The following CIT variants were observed in gnomAD, a reference collection of about 807,000 sequenced individuals.
CIT encodes the protein citron Rho-interacting kinase.
A neutral mutation model predicts 272.7 loss-of-function variants in CIT; 79 were observed. That is an observed-to-expected ratio of 0.29 (90% CI 0.24 to 0.35). The LOEUF (loss-of-function observed/expected upper bound fraction) is 0.35, where lower values mean the gene tolerates loss of function less well. CIT is among the 10% of genes least tolerant of loss of function. CIT has a pLI of 1.00. For synonymous variants in CIT, 948 were observed against 995.6 expected (o/e 0.95, Z 0.90); for missense variants, 1,909 against 2,618.3 (o/e 0.73, Z 5.91).
chr12:119,705,516 G>T (rs1956823507), intron 40 of CIT, among the ~76,000 whole-genome samples: 1 of 152,086 alleles, frequency 6.6e-6, no homozygotes, highest in South Asian at 2.1e-4. Context: ...GTGTGTGGAT[G>T]CTTACGACAT....
chr12:119,710,719 G>C lies in CIT; in HGVS notation c.4855-99C>G. 1 of 1,142,142 alleles carries C rather than the reference G, an allele frequency of 8.8e-7. No individual in the cohort carries two copies. Among genetic ancestry groups the C allele is most frequent in the Non-Finnish European group, 1.3e-6 (1 of 762,224 alleles). The allele number at this position is 1,142,142 out of a possible 1,614,324, so 70.8% of individuals were successfully genotyped here. On this transcript the variant is annotated intron_variant, in intron 37 of 47. Transcript: ENST00000392521. The surrounding 1 kb of genome is among the most constrained non-coding windows in gnomAD (Gnocchi z 5.6). ...GAAACCAAGAGAAGGTTAAGGCCAA[G>C]TTATTCCTGGAAATGCTCAGAAACG... is the stretch of plus-strand genomic sequence containing the variant.
rs1376592078 is a variant in CIT at position 119,803,367 on chromosome 12, G to A, written c.1134C>T (p.Thr378=). 7 of 1,581,464 alleles carry A rather than the reference G, an allele frequency of 4.4e-6. No homozygotes were observed. The East Asian group carries it at 1.6e-4, about 37-fold the overall frequency. ...TGGAGGTGTCATCGTCAGACTTGAGGGTGGGAACGAAGGGGGGAGGAGCTG... is the reference window on the plus strand; with the variant it reads ...TGGAGGTGTCATCGTCAGACTTGAGAGTGGGAACGAAGGGGGGAGGAGCTG... ...IRNSPPPFVP[T]LKSDDDTSNF... Residue 378 remains threonine (T), a synonymous_variant, in exon 10 of 48, where the codon ACC becomes ACT. Coordinates refer to ENST00000392521, the MANE Select transcript of CIT (RefSeq NM_001206999.2).
At chr12:119,874,338 C>G (rs2138433912) in intron 2 of CIT, among the ~76,000 whole-genome samples, 1 of 152,310 alleles carries the variant, frequency 6.6e-6, no homozygotes, top group Middle Eastern at 3.4e-3. Context: ...TCCGAAAATA[C>G]TGGCATTACA....
In CIT at chr12:119,804,266, C is replaced by G; in HGVS notation, c.1112-877G>C. The G allele has an allele frequency of 1.0e-6, 1 of 985,512 alleles. No homozygotes were observed. Among genetic ancestry groups the G allele is most frequent in the Non-Finnish European group, 1.2e-6 (1 of 829,960 alleles). 61.0% of individuals were successfully genotyped at this position (985,512 alleles called of 1,614,324 possible). A position where few individuals can be genotyped will look rare whatever the true frequency, so the allele number is the denominator to read the frequency against. ...GGGAGGTGGACACTCGTCCATCAGT[C>G]ACCAGGAGGCTGCCCATCGCGGTGG... On this transcript the variant is annotated intron_variant, in intron 9 of 47. Coordinates refer to ENST00000392521, the MANE Select transcript of CIT (RefSeq NM_001206999.2). This position sits in a 1 kb window ranked among gnomAD's most constrained non-coding sequence, Gnocchi z 5.3.
Position 119,850,330 on chromosome 12 carries a change from A to C in CIT, c.415-55T>G. The C allele has an allele frequency of 3.4e-6, 4 of 1,169,422 alleles. No homozygotes were observed. In the Admixed American group the frequency reaches 5.6e-5, roughly 16 times the overall value. The allele number at this position is 1,169,422 out of a possible 1,614,324, so 72.4% of individuals were successfully genotyped here. Reference sequence around the variant, plus strand: ...TATAAAGAACTGTGAGAGGAAAAAGAAGCCTTTTCCTCTGTCTTTATGCCT... The same window carrying C: ...TATAAAGAACTGTGAGAGGAAAAAGCAGCCTTTTCCTCTGTCTTTATGCCT... On this transcript the variant is annotated intron_variant, in intron 4 of 47. Transcript: ENST00000392521.
chr12:119,756,052 T>C (rs1960935253), intron 22 of CIT, among the ~76,000 whole-genome samples: 1 of 152,134 alleles, frequency 6.6e-6, no homozygotes, highest in Non-Finnish European at 1.5e-5. Flanking sequence ...CAGGACCCTA[T>C]AAAGGAGATA....
intron 12 of CIT, 120 bp downstream of exon 12, chr12:119,783,788 C>A (rs1964518284): frequency 7.9e-7 from 1 of 1,265,850 alleles, no homozygotes; most frequent in Non-Finnish European, 1.1e-6. Flanking sequence ...TTGTGCTCTC[C>A]CTCTCTCTAC....
Position 119,712,207 on chromosome 12 carries a change from C to T in CIT, c.4825G>A (p.Val1609Ile). 1.9e-6 allele frequency: 3 copies of T among 1,605,522 alleles called. No homozygotes were observed. The highest frequency in any genetic ancestry group is 2.6e-6 in the Non-Finnish European group (3 of 1,175,978). Residue 1609 changes from valine (V) to isoleucine (I), a missense_variant, in exon 37 of 48, where the codon GTT becomes ATT. Val to Ile is a conservative substitution (Grantham distance 29, BLOSUM62 3). Coordinates refer to ENST00000392521, the MANE Select transcript of CIT (RefSeq NM_001206999.2). This position sits in a 1 kb window ranked among gnomAD's most constrained non-coding sequence, Gnocchi z 5.2. ...TCAGCTTCTGCTTTTTCCCTAGAAA[C>T]TCTCCCACCTGCGACAACTGATTCT... ...ALESVVAGGR[V>I]SREKAEADAK...
chr12:119,712,773 G>A lies in CIT; in HGVS notation c.4580-78C>T. The A allele has an allele frequency of 8.5e-7, 1 of 1,175,178 alleles. No individual in the cohort carries two copies. The highest frequency in any genetic ancestry group is 1.8e-5 in the Admixed American group (1 of 54,842). The allele number at this position is 1,175,178 out of a possible 1,614,324, so 72.8% of individuals were successfully genotyped here. A position where few individuals can be genotyped will look rare whatever the true frequency, so the allele number is the denominator to read the frequency against. On this transcript the variant is annotated intron_variant, in intron 35 of 47. Coordinates refer to ENST00000392521, the MANE Select transcript of CIT (RefSeq NM_001206999.2). The surrounding 1 kb of genome is among the most constrained non-coding windows in gnomAD (Gnocchi z 5.2). ...CAAGGGGAGAAGAGAGAGCGAGAGA[G>A]ACAGCAAGGGAGAGAGAGACAGGGT...
chr12:119,735,718 T>C (rs149260139), intron 24 of CIT, among the ~76,000 whole-genome samples: 262 of 152,334 alleles, frequency 1.7e-3, no homozygotes, highest in African/African-American at 5.9e-3. Context: ...GGTATCACCA[T>C]CCACTAATTA....
At chr12:119,842,467 TCATGGAAGGA>T (rs1211210849) in intron 5 of CIT, among the ~76,000 whole-genome samples, 1 of 151,798 alleles carries the variant, frequency 6.6e-6, no homozygotes, top group Admixed American at 6.6e-5. Context: ...ATCAGCTCCT[TCATGGAAGGA>T]CACTGATGAA....
chr12:119,725,291 TG>T (rs1436996692), intron 28 of CIT, among the ~76,000 whole-genome samples: 1 of 152,020 alleles, frequency 6.6e-6, no homozygotes, highest in Non-Finnish European at 1.5e-5. Flanking sequence ...CCGGGAGTGC[TG>T]GTGTATACCT....
At chr12:119,761,948 A>T (rs1338947946) in intron 19 of CIT, among the ~76,000 whole-genome samples, 1 of 152,208 alleles carries the variant, frequency 6.6e-6, no homozygotes, top group Non-Finnish European at 1.5e-5. Context: ...ACATCAGAAC[A>T]TGCCCAAGCC....
chr12:119,850,527 G>A (rs552096861), intron 4 of CIT, among the ~76,000 whole-genome samples: 10 of 151,446 alleles, frequency 6.6e-5, no homozygotes, highest in African/African-American at 1.9e-4. Flanking sequence ...GGGAAGGGAA[G>A]GGAAAGGGAA....
At chr12:119,717,371 T>TGA (rs1289251510) in intron 32 of CIT, among the ~76,000 whole-genome samples, 1 of 149,368 alleles carries the variant, frequency 6.7e-6, no homozygotes, top group African/African-American at 2.5e-5. Flanking sequence ...AAAAAAGGCC[T>TGA]GAGAGAGAGA....
At chr12:119,875,252 G>A (rs1010367663) in intron 2 of CIT, among the ~76,000 whole-genome samples, 6 of 152,124 alleles carry the variant, frequency 3.9e-5, no homozygotes, top group African/African-American at 9.7e-5. Context: ...GCAGTAAGCC[G>A]TGATTGTGCC....
At position 119,768,491 on chromosome 12, in the gene CIT, A is replaced by T. The variant is rs978157431; in HGVS notation, c.2209-1309T>A. Among the ~76,000 whole-genome samples the T allele has an allele frequency of 2.6e-5, 4 of 152,192 alleles. No homozygotes were observed. Among genetic ancestry groups the T allele is most frequent in the African/African-American group, 9.7e-5 (4 of 41,448 alleles). The stretch of plus-strand genomic sequence containing the variant: ...TTGAAGAATGAGGAAATTATATAGG[A>T]TATGTTCATAAAATGGAGGTGAAAA... On this transcript the variant is annotated intron_variant, in intron 18 of 47. Transcript: ENST00000392521. This position sits in a 1 kb window ranked among gnomAD's most constrained non-coding sequence, Gnocchi z 4.3.
At chr12:119,802,888 C>T (rs898213434) in intron 10 of CIT, among the ~76,000 whole-genome samples, 13 of 152,110 alleles carry the variant, frequency 8.5e-5, no homozygotes, top group African/African-American at 7.2e-5. Flanking sequence ...CTCCTTTGAC[C>T]GGGGATCTGC....
rs547363216 is a variant in CIT at position 119,843,049 on chromosome 12, G to A, written c.516+7125C>T. ...CGCCATTCCAGAAGTATAGGGTCTA[G>A]GAAGGGCTTCTGGAAGAAGTGAAAT... On this transcript the variant is annotated intron_variant, in intron 5 of 47. Coordinates refer to ENST00000392521, the MANE Select transcript of CIT (RefSeq NM_001206999.2). Among the ~76,000 whole-genome samples, 4 of 152,296 alleles carry A rather than the reference G, an allele frequency of 2.6e-5. No homozygotes were observed. The South Asian group carries it at 8.3e-4, about 32-fold the overall frequency.
Sources: gnomAD v4.1 joint callset for allele counts (sites outside exome capture counted in the v4.1 genomes callset) on GRCh38, gnomAD v4.1.1 for gene constraint, Gnocchi (gnomAD v3.1) non-coding constraint, MANE v1.5 for transcripts, NCBI Gene and HGNC (gene_info 2026-07-23, HGNC 2026-07-21) for gene names.